Variants in OSCP1 observed in about 807,000 individuals in gnomAD.
OSCP1 encodes organic solute carrier partner 1.
OSCP1 carries 35 observed loss-of-function variants against 45.1 expected under a neutral mutation model. The observed-to-expected ratio is 0.78, with a 90% CI of 0.59 to 1.03. OSCP1 has a LOEUF of 1.03. Among genes scored for constraint, OSCP1 ranks in the 50% least tolerant of loss-of-function variants. OSCP1 has a pLI of 0.00. For synonymous variants in OSCP1, 179 were observed against 180.1 expected (o/e 0.99, Z 0.05); for missense variants, 400 against 470.7 (o/e 0.85, Z 1.39).
rs568136634 is a variant in OSCP1, at chr1:36,447,017, G to A, written c.112+3241C>T. On this transcript the variant is annotated intron_variant, in intron 1 of 9. Transcript: ENST00000235532. The surrounding 1 kb of genome is among the most constrained non-coding windows in gnomAD (Gnocchi z 4.1). ...TGGGGGAAGCTGCAACATCTGCCTT[G>A]GCCTTGTGGGAACAGGGATGGCCTC... is the stretch of plus-strand genomic sequence containing the variant. Among the ~76,000 whole-genome samples, 4 of 152,270 alleles carry A rather than the reference G, an allele frequency of 2.6e-5. No homozygotes were observed. In the East Asian group the frequency reaches 5.8e-4, roughly 22 times the overall value.
chr1:36,426,430 A>G (rs971741426), intron 4 of OSCP1, among the ~76,000 whole-genome samples: 1 of 151,948 alleles, frequency 6.6e-6, no homozygotes, highest in East Asian at 1.9e-4. Context: ...CATGGCTCCC[A>G]GATCTCAAGG....
intron 2 of OSCP1, among the ~76,000 whole-genome samples, chr1:36,435,867 C>T (rs1230541220): frequency 6.6e-6 from 1 of 151,896 alleles, no homozygotes; most frequent in African/African-American, 2.4e-5. Context: ...CTCTTGACCT[C>T]GTGATCCGCC....
At chr1:36,439,079 A>G in intron 1 of OSCP1, 169 bp from the exon 2 acceptor site, 1 of 584,596 alleles carries the variant, frequency 1.7e-6, no homozygotes, top group Non-Finnish European at 2.8e-6. Flanking sequence ...CCCGGTAGAA[A>G]GCAGGGCTCT....
At chr1:36,427,160 C>T (rs895864264) in intron 4 of OSCP1, among the ~76,000 whole-genome samples, 10 of 151,850 alleles carry the variant, frequency 6.6e-5, no homozygotes, top group African/African-American at 2.4e-4. Context: ...GCCACCATGC[C>T]TGGCTAATTT....
rs1408890678 is a variant in OSCP1 at position 36,447,183 on chromosome 1, G to T, written c.112+3075C>A. Among the ~76,000 whole-genome samples, 1 of 152,120 alleles carries T rather than the reference G, an allele frequency of 6.6e-6. No individual in the cohort carries two copies. The highest frequency in any genetic ancestry group is 1.5e-5 in the Non-Finnish European group (1 of 68,026). ...ACAGGGATCTGTTACAGGGGCTCTC[G>T]CTCCTGTGGCCACAACAACTTTAAA... On this transcript the variant is annotated intron_variant, in intron 1 of 9. Transcript: ENST00000235532. This position sits in a 1 kb window ranked among gnomAD's most constrained non-coding sequence, Gnocchi z 4.1.
intron 4 of OSCP1, among the ~76,000 whole-genome samples, chr1:36,424,118 T>C (rs1647824746): frequency 6.6e-6 from 1 of 152,006 alleles, no homozygotes; most frequent in Admixed American, 6.5e-5. Flanking sequence ...CTAATTTTTA[T>C]ATTTTTTTGT....
At chr1:36,448,748 C>T (rs574228445) in intron 1 of OSCP1, among the ~76,000 whole-genome samples, 33 of 152,218 alleles carry the variant, frequency 2.2e-4, no homozygotes, top group South Asian at 2.1e-4. Context: ...ATGGTTTAAG[C>T]GGAGATCTAT....
rs1648218035 is a variant in OSCP1, at chr1:36,429,548, T to TTTTTTTTTTTTTG, written c.516+2241_516+2253dup. The stretch of plus-strand genomic sequence containing the variant: ...CAGAAGCTTAGAATTTTTTTTTTTT[T>TTTTTTTTTTTTTG]TTTTTTTTTTTTGAGACATGGTCTC... On this transcript the variant is annotated intron_variant, in intron 4 of 9. Transcript: ENST00000235532. Among the ~76,000 whole-genome samples the TTTTTTTTTTTTTG allele has an allele frequency of 1.4e-5, 2 of 138,938 alleles. 1 individual carries two copies. The highest frequency in any genetic ancestry group is 5.5e-5 in the African/African-American group (2 of 36,486). The allele number at this position is 138,938 out of a possible 152,430, so 91.1% of individuals were successfully genotyped here. A position where few individuals can be genotyped will look rare whatever the true frequency, so the allele number is the denominator to read the frequency against.
At chr1:36,437,677 C>T (rs1648839509) in intron 2 of OSCP1, among the ~76,000 whole-genome samples, 1 of 152,136 alleles carries the variant, frequency 6.6e-6, no homozygotes, top group Non-Finnish European at 1.5e-5. Context: ...TGCCACCACA[C>T]CCAGCTAATA....
chr1:36,450,163 G>T, intron 1 of OSCP1, 95 bp downstream of exon 1: 1 of 970,424 alleles, frequency 1.0e-6, no homozygotes, highest in South Asian at 1.4e-5. Context: ...AGTGAAGTGT[G>T]TAGGGGTGCG....
chr1:36,425,624 T>G (rs1570508115), intron 4 of OSCP1, among the ~76,000 whole-genome samples: 1 of 151,744 alleles, frequency 6.6e-6, no homozygotes, highest in Non-Finnish European at 1.5e-5. Context: ...ATCTGGCTAC[T>G]CGGGAGGCTG....
At chr1:36,437,200 G>A (rs1340344570) in intron 2 of OSCP1, among the ~76,000 whole-genome samples, 15 of 151,974 alleles carry the variant, frequency 9.9e-5, no homozygotes, top group Admixed American at 9.2e-4. Context: ...TGAGGGCAGA[G>A]TATCTACATA....
At position 36,423,560 on chromosome 1, in the gene OSCP1, T is replaced by C. The variant is rs545675910; in HGVS notation, c.517-94A>G. 7.9e-5 allele frequency: 77 copies of C among 978,420 alleles called. No individual in the cohort carries two copies. The South Asian group carries it at 1.1e-3, about 14-fold the overall frequency. 60.6% of individuals were successfully genotyped at this position (978,420 alleles called of 1,614,324 possible). Reference sequence around the variant, plus strand: ...GAAAGTGCGTAATGGTTTGGGAACATGACCTATGAGTTTATAACAATAAGA... The same window carrying C: ...GAAAGTGCGTAATGGTTTGGGAACACGACCTATGAGTTTATAACAATAAGA... On this transcript the variant is annotated intron_variant, in intron 4 of 9. Transcript: ENST00000235532.
intron 1 of OSCP1, among the ~76,000 whole-genome samples, chr1:36,446,988 G>A (rs892705627): frequency 4.6e-5 from 7 of 152,214 alleles, no homozygotes; most frequent in African/African-American, 1.4e-4. Flanking sequence ...TAGAGGCTGC[G>A]TTGTGGGGGA....
chr1:36,424,949 G>GATCACCTGAGGTCAGGAGT (rs1647874098), intron 4 of OSCP1, among the ~76,000 whole-genome samples: 1 of 152,042 alleles, frequency 6.6e-6, no homozygotes, highest in African/African-American at 2.4e-5. Context: ...GAGGCGGGTG[G>GATCACCTGAGGTCAGGAGT]ATCACCTGAG....
At chr1:36,425,172 CA>C (rs60875318) in intron 4 of OSCP1, among the ~76,000 whole-genome samples, 2,601 of 118,378 alleles carry the variant, frequency 0.022, 31 homozygotes, top group African/African-American at 0.041. Context: ...GACTCTGTCT[CA>C]AAAAAAAAAA....
chr1:36,420,653 G>A lies in OSCP1; in HGVS notation c.820-38C>T, dbSNP rs372593441. ...TTGCATGATTTTTAGCCACATGAAGGCAATCACATTTCCTGCTAAAACCTC... is the reference window on the plus strand; with the variant it reads ...TTGCATGATTTTTAGCCACATGAAGACAATCACATTTCCTGCTAAAACCTC... On this transcript the variant is annotated intron_variant, in intron 7 of 9. Coordinates refer to ENST00000235532, the MANE Select transcript of OSCP1 (RefSeq NM_145047.5). 7 of 1,606,758 alleles carry A rather than the reference G, an allele frequency of 4.4e-6. No individual in the cohort carries two copies. In the South Asian group the frequency reaches 6.7e-5, roughly 15 times the overall value.
intron 8 of OSCP1, among the ~76,000 whole-genome samples, chr1:36,419,695 A>T (rs755417664): frequency 1.3e-5 from 2 of 152,180 alleles, no homozygotes; most frequent in Non-Finnish European, 2.9e-5. Flanking sequence ...CAGGGAAATC[A>T]AGCTCCAACC....
intron 1 of OSCP1, among the ~76,000 whole-genome samples, chr1:36,446,404 G>C (rs546648275): frequency 6.6e-6 from 1 of 152,322 alleles, no homozygotes; most frequent in African/African-American, 2.4e-5. Flanking sequence ...CCCCTTGCAG[G>C]TGTGTTTGGG....
Sources: gnomAD v4.1 joint callset for allele counts (sites outside exome capture counted in the v4.1 genomes callset) on GRCh38, gnomAD v4.1.1 for gene constraint, Gnocchi (gnomAD v3.1) non-coding constraint, MANE v1.5 for transcripts, NCBI Gene and HGNC (gene_info 2026-07-23, HGNC 2026-07-21) for gene names.